The following LRP1 variants were observed in gnomAD, a reference collection of about 807,000 sequenced individuals.
LRP1 encodes LDL receptor related protein 1, also known as prolow-density lipoprotein receptor-related protein 1.
In LRP1, 51 loss-of-function variants were observed where a neutral mutation model predicts 541.5. That is an observed-to-expected ratio of 0.09 (90% CI 0.08 to 0.12). LRP1 has a LOEUF of 0.12. Ranked by LOEUF, LRP1 falls within the 10% of genes least tolerant of loss-of-function variation. The pLI, the probability that LRP1 is intolerant of heterozygous loss-of-function variation, is 1.00. For synonymous variants in LRP1, 2,219 were observed against 2,470.8 expected, an observed-to-expected ratio of 0.90 and a Z score of 3.02; for missense variants, 3,878 against 6,376.2, an observed-to-expected ratio of 0.61 and a Z score of 13.34.
chr12:57,167,690 G>A (rs967576550), intron 19 of LRP1, among the ~76,000 whole-genome samples, 166 bp downstream of exon 19: 21 of 152,212 alleles, frequency 1.4e-4, no homozygotes, highest in African/African-American at 4.8e-4. Context: ...GAAATGCCTG[G>A]AGGGAGCCAC....
intron 50 of LRP1, 65 bp downstream of exon 50, chr12:57,194,764 C>T (rs2036492460): frequency 2.7e-6 from 4 of 1,507,516 alleles, no homozygotes; most frequent in Admixed American, 2.2e-5. Context: ...TTAGTCCCCC[C>T]CAGCAAATGC....
At chr12:57,149,425 C>CG (rs2035483055) in intron 6 of LRP1, 1 of 580,980 alleles carries the variant, frequency 1.7e-6, no homozygotes, top group Non-Finnish European at 3.1e-6. Flanking sequence ...TCTCCTCCCC[C>CG]GCTGTCTCCT....
intron 55 of LRP1, 35 bp downstream of exon 55, chr12:57,196,312 C>T (rs766741688): frequency 1.2e-5 from 18 of 1,503,792 alleles, no homozygotes; most frequent in Non-Finnish European, 1.5e-5. Flanking sequence ...TTCCACACCC[C>T]AGACGTGCCA....
rs141274316 is a variant in LRP1, at chr12:57,162,438, C to T, written c.2324C>T (p.Ala775Val). The change falls in exon 14 of 89, where the codon GCA (alanine) becomes GTA (valine). Residue 775 changes from alanine to valine, a missense_variant. This residue lies in a region of LRP1 where 496 missense variants were observed against 861.0 expected (regional missense o/e 0.58). Coordinates refer to ENST00000243077, the MANE Select transcript of LRP1 (RefSeq NM_002332.3). The surrounding 1 kb of genome is among the most constrained non-coding windows in gnomAD (Gnocchi z 5.2). Reference sequence around the variant, plus strand: ...CGCTTGGAACGGGGTGTAGGAGGCGCACCCCCCACTGTGACCCTTCTGCGC... The same window carrying T: ...CGCTTGGAACGGGGTGTAGGAGGCGTACCCCCCACTGTGACCCTTCTGCGC... ...VYRLERGVGG[A>V]PPTVTLLRSE... 8.7e-6 allele frequency: 14 copies of T among 1,614,000 alleles called. No individual in the cohort carries two copies. The highest frequency in any genetic ancestry group is 1.1e-5 in the Non-Finnish European group (13 of 1,180,014).
In LRP1 at chr12:57,178,984, C is replaced by T. The variant is rs2036106112; in HGVS notation, c.4701C>T (p.His1567=). The T allele has an allele frequency of 6.2e-7, 1 of 1,614,164 alleles. No homozygotes were observed. The highest frequency in any genetic ancestry group is 8.5e-7 in the Non-Finnish European group (1 of 1,180,022). Reference sequence around the variant, plus strand: ...GGACCGTGTCCTGCGCCTGCCCCCACCTCATGAAGCTCCACAAGGACAACA... The same window carrying T: ...GGACCGTGTCCTGCGCCTGCCCCCATCTCATGAAGCTCCACAAGGACAACA... ...YNRTVSCACP[H]LMKLHKDNTT... Residue 1567 remains histidine (H), a synonymous_variant, in exon 28 of 89, where the codon CAC becomes CAT. Transcript: ENST00000243077. This position sits in a 1 kb window ranked among gnomAD's most constrained non-coding sequence, Gnocchi z 5.8.
intron 45 of LRP1, 91 bp from the exon 46 acceptor site, chr12:57,193,085 C>G: frequency 6.3e-7 from 1 of 1,586,564 alleles, no homozygotes; most frequent in South Asian, 1.1e-5. Flanking sequence ...CAAGAAGACG[C>G]TGATGATGAC....
At chr12:57,195,210 C>T (rs2036503495) in intron 51 of LRP1, 61 bp from the exon 52 acceptor site, 4 of 1,599,568 alleles carry the variant, frequency 2.5e-6, no homozygotes, top group Non-Finnish European at 3.4e-6. Flanking sequence ...ACCATCACCT[C>T]CACTGCTAGA....
At chr12:57,180,290 C>T (rs1279433066) in intron 31 of LRP1, 40 bp from the exon 32 acceptor site, 4 of 1,610,496 alleles carry the variant, frequency 2.5e-6, no homozygotes, top group Admixed American at 3.3e-5. Flanking sequence ...GATCCCCAGC[C>T]CTGGGCCAGA....
intron 6 of LRP1, among the ~76,000 whole-genome samples, chr12:57,151,992 C>T (rs559900092): frequency 9.3e-4 from 142 of 152,190 alleles, no homozygotes; most frequent in Non-Finnish European, 1.8e-3. Context: ...AACTCCTCAC[C>T]GGCCTGCTGA....
rs1446951913 is a variant in LRP1 at position 57,195,256 on chromosome 12, T to C, written c.8309-15T>C. ...CCGCTCCTAAGTCTCTCAGTGGCCC[T>C]CTCTCCCCCTACAGAAGGCAAGACG... On this transcript the variant is annotated splice_polypyrimidine_tract_variant and intron_variant, in intron 51 of 88. Transcript: ENST00000243077. The C allele has an allele frequency of 1.9e-6, 3 of 1,611,452 alleles. No homozygotes were observed. In the African/African-American group the frequency reaches 4.0e-5, roughly 22 times the overall value.
At chr12:57,143,355 C>A (rs1054374249) in intron 3 of LRP1, among the ~76,000 whole-genome samples, 5 of 152,178 alleles carry the variant, frequency 3.3e-5, no homozygotes, top group Non-Finnish European at 5.9e-5. Context: ...ATAAGACTCA[C>A]CATCCCCTCT....
intron 4 of LRP1, chr12:57,144,692 A>G (rs1023127703): frequency 3.0e-5 from 14 of 465,494 alleles, no homozygotes; most frequent in African/African-American, 2.5e-4. Context: ...GGTCTATTTT[A>G]AAGTTCACTG....
rs181881519 is a variant in LRP1, at chr12:57,165,999, C to T, written c.2671+54C>T. 110 of 1,612,254 alleles carry T rather than the reference C, an allele frequency of 6.8e-5. No homozygotes were observed. Among genetic ancestry groups the T allele is most frequent in the Middle Eastern group, 3.3e-4 (2 of 6,050 alleles). On this transcript the variant is annotated intron_variant, in intron 16 of 88. Transcript: ENST00000243077. The surrounding 1 kb of genome is among the most constrained non-coding windows in gnomAD (Gnocchi z 4.5). ...TGGATGGCAGGCCTGCAGGGCAGCT[C>T]GGCTCTGGCAGTGCCTATACTGGAG... is the stretch of plus-strand genomic sequence containing the variant.
At chr12:57,151,581 G>T (rs2035526179) in intron 6 of LRP1, among the ~76,000 whole-genome samples, 2 of 152,250 alleles carry the variant, frequency 1.3e-5, no homozygotes, top group African/African-American at 2.4e-5. Flanking sequence ...CTCCCCTCAG[G>T]GTTGGTGGAG....
Position 57,205,149 on chromosome 12 carries a change from G to A in LRP1, c.11235G>A (p.Lys3745=), listed in dbSNP as rs754660683. 17 of 1,613,892 alleles carry A rather than the reference G, an allele frequency of 1.1e-5. No individual in the cohort carries two copies. The highest frequency in any genetic ancestry group is 1.2e-5 in the Non-Finnish European group (14 of 1,180,014). The part of the protein sequence containing the change: ...TAHTTHCKDK[K]EFLCRNQRCL... Reference sequence around the variant, plus strand: ...ACACCACCCACTGCAAAGACAAGAAGGAGTTTCTGTGCCGGAACCAGCGCT... The same window carrying A: ...ACACCACCCACTGCAAAGACAAGAAAGAGTTTCTGTGCCGGAACCAGCGCT... The change falls in exon 73 of 89, where the codon AAG becomes AAA. Residue 3745 remains lysine, a synonymous_variant. Coordinates refer to ENST00000243077, the MANE Select transcript of LRP1 (RefSeq NM_002332.3). This position sits in a 1 kb window ranked among gnomAD's most constrained non-coding sequence, Gnocchi z 4.6.
chr12:57,199,184 G>A (rs756073595), intron 60 of LRP1, 28 bp from the exon 61 acceptor site: 2 of 1,605,622 alleles, frequency 1.2e-6, no homozygotes, highest in Non-Finnish European at 8.5e-7. Context: ...CGGCTGACTG[G>A]CACTGTGCCT....
In LRP1 at chr12:57,136,400, C is replaced by CCT. The variant is rs1555179771; in HGVS notation, c.68-2058_68-2057insTC. On this transcript the variant is annotated intron_variant, in intron 1 of 88. Coordinates refer to ENST00000243077, the MANE Select transcript of LRP1 (RefSeq NM_002332.3). ...AGACTCCCTCCCTCCTAAGAGCCCC[C>CCT]CCCCCCCGCCATTTTCCTTATACTT... Among the ~76,000 whole-genome samples, 10 of 145,840 alleles carry CCT rather than the reference C, an allele frequency of 6.9e-5. No individual in the cohort carries two copies. The East Asian group carries it at 1.6e-3, about 24-fold the overall frequency.
Position 57,194,361 on chromosome 12 carries a change from C to A in LRP1, c.7926C>A (p.Thr2642=), listed in dbSNP as rs76765217. 2.0e-6 allele frequency: 3 copies of A among 1,510,146 alleles called. No individual in the cohort carries two copies. In the East Asian group the frequency reaches 6.9e-5, roughly 35 times the overall value. 93.5% of individuals were successfully genotyped at this position (1,510,146 alleles called of 1,614,324 possible). The change falls in exon 49 of 89, where the codon ACC becomes ACA. Residue 2642 remains threonine, a synonymous_variant. Transcript: ENST00000243077. ...CACCCCTGCCCCCACCAGGTGCCAC[C>A]GACTGCAGCAGCTACTTCCGCCTGG... ...DASDEMNCSA[T]DCSSYFRLGV... is the part of the protein sequence containing the mutation.
intron 41 of LRP1, 77 bp from the exon 42 acceptor site, chr12:57,187,190 C>T: frequency 6.8e-7 from 1 of 1,469,524 alleles, no homozygotes; most frequent in Non-Finnish European, 9.3e-7. Context: ...GCACCTGCCC[C>T]AGGCTGTCCC....
Sources: allele counts gnomAD v4.1 joint callset (sites outside exome capture counted in the v4.1 genomes callset), GRCh38; gene constraint gnomAD v4.1.1; regional missense constraint gnomAD v4.1.1; non-coding constraint Gnocchi (gnomAD v3.1); transcripts MANE v1.5; gene names NCBI Gene and HGNC (gene_info 2026-07-23, HGNC 2026-07-21).